CAB39: variants seen among roughly 807,000 people sequenced by gnomAD.
CAB39 encodes calcium-binding protein 39.
In CAB39, 8 loss-of-function variants were observed where a neutral mutation model predicts 40.0. The ratio of observed to expected loss-of-function variants is 0.20; its 90% CI spans 0.12 to 0.36. CAB39 has a LOEUF of 0.36. Among genes scored for constraint, CAB39 ranks in the 10% least tolerant of loss-of-function variants. CAB39 has a pLI of 1.00. For synonymous variants in CAB39, 156 were observed against 141.6 expected (o/e 1.10, Z -0.72); for missense variants, 270 against 401.1 (o/e 0.67, Z 2.79).
chr2:230,816,479 C>T (rs1696403317), intron 7 of CAB39, among the ~76,000 whole-genome samples: 1 of 152,164 alleles, frequency 6.6e-6, no homozygotes, highest in South Asian at 2.1e-4. Flanking sequence ...CTATGAGTTC[C>T]TTATAAAGCC....
intron 6 of CAB39, 49 bp from the exon 7 acceptor site, chr2:230,814,000 T>TA: frequency 2.2e-6 from 1 of 457,122 alleles, no homozygotes; most frequent in East Asian, 4.6e-5. Context: ...TTTTTTTTTT[T>TA]TTTTTTTTTT....
chr2:230,750,886 C>G (rs765053952), intron 1 of CAB39, among the ~76,000 whole-genome samples: 7 of 152,164 alleles, frequency 4.6e-5, no homozygotes, highest in Admixed American at 6.5e-5. Flanking sequence ...ATGTCTAAGT[C>G]AGTTGAGGCA....
intron 1 of CAB39, among the ~76,000 whole-genome samples, chr2:230,731,020 A>G (rs575664450): frequency 2.0e-5 from 3 of 152,340 alleles, no homozygotes; most frequent in East Asian, 3.9e-4. Flanking sequence ...CAAAAGGTCA[A>G]TGTTTTATCC....
chr2:230,774,796 G>T (rs552017614), intron 2 of CAB39, among the ~76,000 whole-genome samples: 35 of 151,772 alleles, frequency 2.3e-4, no homozygotes, highest in South Asian at 1.2e-3. Flanking sequence ...ACACCAGAAG[G>T]TTATTAATAG....
chr2:230,798,357 T>G (rs1696027355), intron 4 of CAB39, among the ~76,000 whole-genome samples: 1 of 152,230 alleles, frequency 6.6e-6, no homozygotes, highest in Non-Finnish European at 1.5e-5. Flanking sequence ...TTGATTTAGC[T>G]TTTGGTTTTT....
chr2:230,756,035 T>TC (rs749513780), intron 1 of CAB39, among the ~76,000 whole-genome samples: 8 of 151,890 alleles, frequency 5.3e-5, no homozygotes, highest in South Asian at 4.2e-4. Context: ...GAAGGCAGCG[T>TC]CCCCCCCGGG....
chr2:230,806,737 G>A (rs1696202188), intron 5 of CAB39, among the ~76,000 whole-genome samples: 1 of 152,138 alleles, frequency 6.6e-6, no homozygotes, highest in African/African-American at 2.4e-5. Context: ...CTAGCACAGG[G>A]AGAACTTTCT....
chr2:230,803,141 CCAAAGACA>C (rs1696122880), intron 5 of CAB39, among the ~76,000 whole-genome samples: 1 of 152,126 alleles, frequency 6.6e-6, no homozygotes, highest in East Asian at 1.9e-4. Flanking sequence ...ATAAACAGAA[CCAAAGACA>C]AAAACCATGT....
At chr2:230,781,589 A>G (rs1345776727) in intron 2 of CAB39, among the ~76,000 whole-genome samples, 1 of 152,224 alleles carries the variant, frequency 6.6e-6, no homozygotes, top group Non-Finnish European at 1.5e-5. Context: ...GAATGTGGTC[A>G]TTAAGGGTTC....
At chr2:230,776,898 A>C (rs900515393) in intron 2 of CAB39, among the ~76,000 whole-genome samples, 2 of 152,320 alleles carry the variant, frequency 1.3e-5, no homozygotes, top group East Asian at 3.9e-4. Context: ...CGTATTAGCC[A>C]GGATGGTCTC....
intron 5 of CAB39, among the ~76,000 whole-genome samples, chr2:230,809,460 T>G (rs1395337736): frequency 2.0e-5 from 3 of 152,210 alleles, no homozygotes; most frequent in Non-Finnish European, 4.4e-5. Context: ...CAGGCCTTCC[T>G]GCTGTCACTT....
Position 230,818,738 on chromosome 2 carries a change from A to G in CAB39, c.*34A>G, listed in dbSNP as rs1696449759. The G allele has an allele frequency of 6.4e-7, 1 of 1,553,320 alleles. No homozygotes were observed. The highest frequency in any genetic ancestry group is 8.9e-7 in the Non-Finnish European group (1 of 1,129,056). On this transcript the variant is annotated 3_prime_UTR_variant, in exon 9 of 9. Coordinates refer to ENST00000258418, the MANE Select transcript of CAB39 (RefSeq NM_016289.4). ...AAACATCTATGTTAAATCCAAATTC[A>G]GCATTTGCTGTTAGCTATTCAGCAT... is the stretch of plus-strand genomic sequence containing the variant.
At position 230,819,259 on chromosome 2, in the gene CAB39, TAA is replaced by T. The variant is rs1160714684; in HGVS notation, c.*558_*559del. ...TTGATACTGAAACTTAGCAACTTCT[TAA>T]AAGTGTAAAGAAGCCTCATAAGATC... On this transcript the variant is annotated 3_prime_UTR_variant, in exon 9 of 9. Coordinates refer to ENST00000258418, the MANE Select transcript of CAB39 (RefSeq NM_016289.4). 6 of 152,532 alleles carry T rather than the reference TAA, an allele frequency of 3.9e-5. No individual in the cohort carries two copies. Among genetic ancestry groups the T allele is most frequent in the African/African-American group, 1.4e-4 (6 of 41,464 alleles). 9.4% of individuals were successfully genotyped at this position (152,532 alleles called of 1,614,324 possible).
intron 2 of CAB39, among the ~76,000 whole-genome samples, chr2:230,761,675 AT>A (rs1175837774): frequency 6.6e-6 from 1 of 151,796 alleles, no homozygotes; most frequent in East Asian, 1.9e-4. Flanking sequence ...TTCTGTCTGT[AT>A]TTTCCTTTAT....
At chr2:230,725,109 T>G in intron 1 of CAB39, 7 of 1,610,870 alleles carry the variant, frequency 4.3e-6, no homozygotes, top group South Asian at 1.1e-5. Flanking sequence ...AAACTCTGGT[T>G]GAGGGCTGGG....
chr2:230,784,308 G>A (rs756184181), intron 2 of CAB39, among the ~76,000 whole-genome samples: 14 of 152,114 alleles, frequency 9.2e-5, no homozygotes, highest in Non-Finnish European at 1.6e-4. Context: ...AGATGTATTC[G>A]ATTTGAGGTA....
chr2:230,750,030 T>A (rs1430399614), intron 1 of CAB39, among the ~76,000 whole-genome samples: 1 of 152,198 alleles, frequency 6.6e-6, no homozygotes, highest in Admixed American at 6.5e-5. Flanking sequence ...ATCTATAGAA[T>A]AGAAATAATA....
rs561599822 is a variant in CAB39, at chr2:230,796,533, C to T, written c.399-2196C>T. On this transcript the variant is annotated intron_variant, in intron 4 of 8. Transcript: ENST00000258418. ...GTCTTACCCTTGTCTTTCCTGCCTTCTAAAGCTCAGCAAAGATGAATTGTA... is the reference window on the plus strand; with the variant it reads ...GTCTTACCCTTGTCTTTCCTGCCTTTTAAAGCTCAGCAAAGATGAATTGTA... Among the ~76,000 whole-genome samples, 6 of 152,260 alleles carry T rather than the reference C, an allele frequency of 3.9e-5. No individual in the cohort carries two copies. The South Asian group carries it at 1.0e-3, about 26-fold the overall frequency.
At chr2:230,783,070 C>G (rs1042394852) in intron 2 of CAB39, among the ~76,000 whole-genome samples, 2 of 152,004 alleles carry the variant, frequency 1.3e-5, no homozygotes, top group Non-Finnish European at 2.9e-5. Context: ...CCTCGTGATT[C>G]GCCCGCCTCG....
Sources: gnomAD v4.1 joint callset for allele counts (sites outside exome capture counted in the v4.1 genomes callset) on GRCh38, gnomAD v4.1.1 for gene constraint, MANE v1.5 for transcripts, NCBI Gene and HGNC (gene_info 2026-07-23, HGNC 2026-07-21) for gene names.